The following MAD1L1 variants were observed in gnomAD, a reference collection of about 807,000 sequenced individuals.
MAD1L1 encodes the protein mitotic spindle assembly checkpoint protein MAD1.
In MAD1L1, 95 loss-of-function variants were observed where a neutral mutation model predicts 96.9. The ratio of observed to expected loss-of-function variants is 0.98; its 90% confidence interval spans 0.83 to 1.16. The LOEUF is 1.16. Among genes scored for constraint, MAD1L1 ranks in the 50% most tolerant of loss-of-function variants. The pLI is 0.00. For missense variants in MAD1L1, 1,007 were observed against 954.4 expected, an observed-to-expected ratio of 1.06 and a Z score of -0.73; for synonymous variants, 473 against 396.6, an observed-to-expected ratio of 1.19 and a Z score of -2.29.
intron 14 of MAD1L1, among the ~76,000 whole-genome samples, chr7:1,995,545 G>C (rs1320592616): frequency 6.6e-6 from 1 of 152,152 alleles, no homozygotes; most frequent in Non-Finnish European, 1.5e-5. Context: ...GGGCGCAGGA[G>C]CCCCAGGCGG....
At chr7:1,915,588 G>A (rs562865507) in intron 17 of MAD1L1, among the ~76,000 whole-genome samples, 2 of 152,368 alleles carry the variant, frequency 1.3e-5, no homozygotes, top group South Asian at 4.1e-4. Context: ...AGGAAGGACC[G>A]ATGGTCGGCT....
intron 11 of MAD1L1, among the ~76,000 whole-genome samples, chr7:2,092,508 A>ACACCT (rs1786269195): frequency 6.7e-6 from 1 of 149,214 alleles, no homozygotes; most frequent in Non-Finnish European, 1.5e-5. Context: ...CCTCCCTCAC[A>ACACCT]CACCTGCCCT....
chr7:2,033,351 G>C (rs948786536), intron 12 of MAD1L1, among the ~76,000 whole-genome samples: 17 of 152,206 alleles, frequency 1.1e-4, no homozygotes, highest in African/African-American at 3.9e-4. Context: ...AAGGAAACAA[G>C]ATGGATACTC....
At chr7:1,872,349 G>T (rs1443500917) in intron 18 of MAD1L1, among the ~76,000 whole-genome samples, 1 of 152,196 alleles carries the variant, frequency 6.6e-6, no homozygotes, top group East Asian at 1.9e-4. Context: ...CAGGAAGTGA[G>T]GCCCCTGGTC....
intron 13 of MAD1L1, among the ~76,000 whole-genome samples, chr7:2,006,969 C>G (rs1336838302): frequency 2.0e-5 from 3 of 152,150 alleles, no homozygotes; most frequent in Admixed American, 6.5e-5. Flanking sequence ...GCTCAGAGCT[C>G]AGAGCCGCGG....
At chr7:2,158,305 T>A (rs966129675) in intron 10 of MAD1L1, among the ~76,000 whole-genome samples, 2 of 152,202 alleles carry the variant, frequency 1.3e-5, no homozygotes, top group African/African-American at 4.8e-5. Flanking sequence ...GGGCTCTAGC[T>A]GAAGCCCAAA....
intron 16 of MAD1L1, among the ~76,000 whole-genome samples, chr7:1,941,911 C>G (rs4590322): frequency 0.94 from 143,603 of 152,094 alleles, 68,145 homozygotes; most frequent in Middle Eastern, 1. Context: ...ATTCCAGGCA[C>G]CTAGTCGTCT....
intron 17 of MAD1L1, among the ~76,000 whole-genome samples, chr7:1,923,160 G>A (rs1788894999): frequency 6.6e-6 from 1 of 152,160 alleles, no homozygotes; most frequent in Non-Finnish European, 1.5e-5. Flanking sequence ...TTTTTTGGAA[G>A]CTTTTTGATT....
chr7:2,012,657 C>T (rs1782356098), intron 13 of MAD1L1, among the ~76,000 whole-genome samples: 1 of 152,182 alleles, frequency 6.6e-6, no homozygotes, highest in Non-Finnish European at 1.5e-5. Context: ...GTACCAGTGC[C>T]TGAGGGTGGT....
chr7:2,099,778 C>A (rs1161160083), intron 11 of MAD1L1, among the ~76,000 whole-genome samples: 1 of 152,240 alleles, frequency 6.6e-6, no homozygotes, highest in Non-Finnish European at 1.5e-5. Flanking sequence ...CTCAACCCTG[C>A]AGGGAGGAGC....
At chr7:2,149,786 A>G (rs1789480950) in intron 10 of MAD1L1, among the ~76,000 whole-genome samples, 1 of 152,226 alleles carries the variant, frequency 6.6e-6, no homozygotes, top group Admixed American at 6.5e-5. Flanking sequence ...AGCCGCTTCA[A>G]AGTTCAAAGT....
At chr7:2,023,213 G>C (rs1175187247) in intron 12 of MAD1L1, among the ~76,000 whole-genome samples, 1 of 152,148 alleles carries the variant, frequency 6.6e-6, no homozygotes, top group Non-Finnish European at 1.5e-5. Flanking sequence ...ACAGAACACT[G>C]CATCAACAGC....
chr7:2,188,911 G>A (rs1317179223), intron 10 of MAD1L1, among the ~76,000 whole-genome samples: 2 of 152,114 alleles, frequency 1.3e-5, no homozygotes, highest in South Asian at 4.1e-4. Flanking sequence ...TATAGAATGG[G>A]AGAAAATGTT....
chr7:1,889,353 T>G (rs1786393415), intron 18 of MAD1L1, among the ~76,000 whole-genome samples: 1 of 152,210 alleles, frequency 6.6e-6, no homozygotes, highest in African/African-American at 2.4e-5. Context: ...ATGGCGTGGC[T>G]GGTGTGCCCA....
In MAD1L1 at chr7:2,023,943, C is replaced by T. The variant is rs1373565153; in HGVS notation, c.1219-9301G>A. ...CAGCCTGGGAGACAGAGCAAGACTCCATCTCAAAAAAATAAATAAATAAAA... is the reference window on the plus strand; with the variant it reads ...CAGCCTGGGAGACAGAGCAAGACTCTATCTCAAAAAAATAAATAAATAAAA... On this transcript the variant is annotated intron_variant, in intron 12 of 18. Coordinates refer to ENST00000265854, the MANE Select transcript of MAD1L1 (RefSeq NM_001013836.2). 2.6e-5 allele frequency among the ~76,000 whole-genome samples: 4 copies of T among 151,350 alleles called. No individual in the cohort carries two copies. In the East Asian group the frequency reaches 5.8e-4, roughly 22 times the overall value.
In MAD1L1 at chr7:2,228,561, G is replaced by A. The variant is rs140083900; in HGVS notation, c.150+1423C>T. Among the ~76,000 whole-genome samples, 656 of 152,008 alleles carry A rather than the reference G, an allele frequency of 4.3e-3. 4 individuals carry two copies. Among genetic ancestry groups the A allele is most frequent in the South Asian group, 0.031 (149 of 4,816 alleles). On this transcript the variant is annotated intron_variant, in intron 3 of 18. Transcript: ENST00000265854. Reference sequence around the variant, plus strand: ...AGCCACTGCAACCAGCTCAGAGTTGGCCACTTCTCATTTTGTCAGTGATAA... The same window carrying A: ...AGCCACTGCAACCAGCTCAGAGTTGACCACTTCTCATTTTGTCAGTGATAA...
chr7:2,160,652 A>C (rs951132635), intron 10 of MAD1L1, among the ~76,000 whole-genome samples: 3 of 150,856 alleles, frequency 2.0e-5, no homozygotes, highest in Non-Finnish European at 3.0e-5. Context: ...TTCTTTTTTG[A>C]GACAGAGGCT....
At chr7:2,043,765 G>T (rs1014549585) in intron 12 of MAD1L1, among the ~76,000 whole-genome samples, 5 of 152,216 alleles carry the variant, frequency 3.3e-5, no homozygotes, top group Non-Finnish European at 7.3e-5. Context: ...AGGCCCCAGG[G>T]AGCCCTGAGG....
At chr7:2,071,630 T>G (rs1241714611) in intron 11 of MAD1L1, among the ~76,000 whole-genome samples, 3 of 152,008 alleles carry the variant, frequency 2.0e-5, no homozygotes, top group Non-Finnish European at 4.4e-5. Context: ...ACCCCTAAGC[T>G]GGGGAAGGAG....
Sources: gnomAD v4.1 joint callset for allele counts (sites outside exome capture counted in the v4.1 genomes callset) on GRCh38, gnomAD v4.1.1 for gene constraint, MANE v1.5 for transcripts, NCBI Gene and HGNC (gene_info 2026-07-23, HGNC 2026-07-21) for gene names.